ITGAE: variants seen among roughly 807,000 people sequenced by gnomAD.
ITGAE encodes the protein integrin alpha-E.
ITGAE carries 99 observed loss-of-function variants against 136.5 expected under a neutral mutation model. The observed-to-expected ratio is 0.73, with a 90% CI of 0.62 to 0.86. The LOEUF (loss-of-function observed/expected upper bound fraction) is 0.86, where lower values mean the gene tolerates loss of function less well. Among genes scored for constraint, ITGAE ranks in the 40% least tolerant of loss-of-function variants. The pLI, the probability that ITGAE is intolerant of heterozygous loss-of-function variation, is 0.00. For synonymous variants in ITGAE, 613 were observed against 591.8 expected, an observed-to-expected ratio of 1.04 and a Z score of -0.52; for missense variants, 1,447 against 1,515.3, an observed-to-expected ratio of 0.95 and a Z score of 0.75.
At chr17:3,730,954 C>A in intron 23 of ITGAE, 150 bp downstream of exon 23, 1 of 593,892 alleles carries the variant, frequency 1.7e-6, no homozygotes, top group Non-Finnish European at 3.0e-6. Flanking sequence ...AGTCGAGTCC[C>A]TGCAGGGAAA....
rs148067503 is a variant in ITGAE at position 3,774,911 on chromosome 17, C to T, written c.155+2629G>A. ...TCCTACATCAGCACGCGGCCACCATCGCCATCTGAGGGAATGCATATTTTA... is the reference window on the plus strand; with the variant it reads ...TCCTACATCAGCACGCGGCCACCATTGCCATCTGAGGGAATGCATATTTTA... On this transcript the variant is annotated intron_variant, in intron 2 of 30. Coordinates refer to ENST00000263087, the MANE Select transcript of ITGAE (RefSeq NM_002208.5). Among the ~76,000 whole-genome samples, 83 of 152,258 alleles carry T rather than the reference C, an allele frequency of 5.5e-4. 1 individual carries two copies. The highest frequency in any genetic ancestry group is 1.7e-3 in the African/African-American group (71 of 41,566).
Position 3,799,728 on chromosome 17 carries a change from C to T in ITGAE, c.34+1383G>A, listed in dbSNP as rs2053204021. Reference sequence around the variant, plus strand: ...CATAAAAAGAGTGAGACTCTCTCCACACCCCACATGTAACTAAAAACAGAG... The same window carrying T: ...CATAAAAAGAGTGAGACTCTCTCCATACCCCACATGTAACTAAAAACAGAG... On this transcript the variant is annotated intron_variant, in intron 1 of 30. Coordinates refer to ENST00000263087, the MANE Select transcript of ITGAE (RefSeq NM_002208.5). The surrounding 1 kb of genome is among the most constrained non-coding windows in gnomAD (Gnocchi z 4.1). 6.6e-6 allele frequency among the ~76,000 whole-genome samples: 1 copy of T among 152,216 alleles called. No individual in the cohort carries two copies. Among genetic ancestry groups the T allele is most frequent in the Admixed American group, 6.5e-5 (1 of 15,278 alleles).
intron 7 of ITGAE, among the ~76,000 whole-genome samples, 193 bp from the exon 8 acceptor site, chr17:3,759,746 A>C (rs1439343801): frequency 6.6e-6 from 1 of 152,234 alleles, no homozygotes; most frequent in Non-Finnish European, 1.5e-5. Flanking sequence ...CCCCCAGTGA[A>C]TCACAGACTT....
At chr17:3,776,404 C>T (rs551311274) in intron 2 of ITGAE, among the ~76,000 whole-genome samples, 3 of 152,180 alleles carry the variant, frequency 2.0e-5, no homozygotes, top group South Asian at 2.1e-4. Flanking sequence ...ATAGTCTTTG[C>T]GACAATCCTG....
chr17:3,728,349 T>C, intron 24 of ITGAE, 181 bp from the exon 25 acceptor site: 1 of 565,456 alleles, frequency 1.8e-6, no homozygotes, highest in Non-Finnish European at 3.2e-6. Flanking sequence ...ATGACAGGCA[T>C]GAGCCACTAC....
intron 18 of ITGAE, among the ~76,000 whole-genome samples, chr17:3,743,994 C>T (rs529318591): frequency 6.6e-5 from 10 of 150,876 alleles, no homozygotes; most frequent in African/African-American, 2.2e-4. Flanking sequence ...TAAGCCACCG[C>T]GCCCGGCCTC....
intron 20 of ITGAE, among the ~76,000 whole-genome samples, chr17:3,736,912 A>C (rs919821418): frequency 2.6e-5 from 4 of 152,032 alleles, no homozygotes; most frequent in Non-Finnish European, 5.9e-5. Context: ...AGCTGAGAAG[A>C]GGCTGGATTG....
At chr17:3,765,944 C>T (rs564885710) in intron 2 of ITGAE, among the ~76,000 whole-genome samples, 2 of 152,290 alleles carry the variant, frequency 1.3e-5, no homozygotes, top group South Asian at 4.1e-4. Context: ...ATAATGGCCC[C>T]CCAAAGAAGG....
chr17:3,795,400 T>TC (rs2053040664), intron 1 of ITGAE, among the ~76,000 whole-genome samples: 1 of 152,256 alleles, frequency 6.6e-6, no homozygotes, highest in Non-Finnish European at 1.5e-5. Flanking sequence ...CTGTGTTCAC[T>TC]TTGTTCAACA....
At position 3,761,008 on chromosome 17, in the gene ITGAE, C is replaced by A; in HGVS notation, c.598+5G>T. On this transcript the variant is annotated splice_donor_5th_base_variant and intron_variant, in intron 6 of 30. Transcript: ENST00000263087. ...TCAGAGCAACCCAGATCTGCCTCTT[C>A]TCACCAGCTTCCTCCTCCTCCTCGT... 6.3e-7 allele frequency: 1 copy of A among 1,598,752 alleles called. No homozygotes were observed. Among genetic ancestry groups the A allele is most frequent in the Admixed American group, 1.7e-5 (1 of 59,878 alleles).
At chr17:3,761,652 C>T in intron 4 of ITGAE, 132 bp from the exon 5 acceptor site, 1 of 827,128 alleles carries the variant, frequency 1.2e-6, no homozygotes, top group South Asian at 1.7e-5. Context: ...CTGGCCCACC[C>T]CTCACCGGGT....
rs1372328008 is a variant in ITGAE at position 3,757,760 on chromosome 17, A to G, written c.966T>C (p.Leu322=). The change falls in exon 9 of 31, where the codon CTT becomes CTC. Residue 322 remains leucine (L), a synonymous_variant. Coordinates refer to ENST00000263087, the MANE Select transcript of ITGAE (RefSeq NM_002208.5). ...TTTTGGGGGAGTTGATGACTGTCGT[A>G]AGGTTGAGGGGGTCCTCGAATATGC... ...DGGIFEDPLN[L]TTVINSPKMQ... is the part of the protein sequence containing the mutation. 1 of 1,614,074 alleles carries G rather than the reference A, an allele frequency of 6.2e-7. No homozygotes were observed. Among genetic ancestry groups the G allele is most frequent in the African/African-American group, 1.3e-5 (1 of 75,002 alleles).
At chr17:3,797,279 C>A (rs1170774584) in intron 1 of ITGAE, among the ~76,000 whole-genome samples, 4 of 149,524 alleles carry the variant, frequency 2.7e-5, no homozygotes, top group Admixed American at 2.0e-4. Context: ...CATTCTCCTG[C>A]CTCAGCCTCC....
chr17:3,750,803 G>C (rs975784399), intron 15 of ITGAE, among the ~76,000 whole-genome samples: 1 of 152,014 alleles, frequency 6.6e-6, no homozygotes, highest in East Asian at 1.9e-4. Context: ...TTGATGTGGG[G>C]CTTGGGGATG....
chr17:3,760,433 T>C, intron 6 of ITGAE, 146 bp from the exon 7 acceptor site: 1 of 339,002 alleles, frequency 2.9e-6, no homozygotes, highest in South Asian at 9.1e-5. Flanking sequence ...AGGGAAGCTT[T>C]TTTTTTTTTT....
chr17:3,746,360 G>T (rs1283298824), intron 17 of ITGAE, among the ~76,000 whole-genome samples: 1 of 152,130 alleles, frequency 6.6e-6, no homozygotes, highest in African/African-American at 2.4e-5. Flanking sequence ...AACAGAACCA[G>T]CTCAGCTAGG....
chr17:3,725,230 CT>C, intron 26 of ITGAE: 1 of 1,614,198 alleles, frequency 6.2e-7, no homozygotes, highest in Non-Finnish European at 8.5e-7. Context: ...ACAAGTGGTG[CT>C]CCGTCCTCTT....
chr17:3,725,263 T>C, intron 26 of ITGAE: 1 of 1,614,240 alleles, frequency 6.2e-7, no homozygotes, highest in Non-Finnish European at 8.5e-7. Flanking sequence ...TCTATGTATT[T>C]GCTAAGCCCC....
intron 4 of ITGAE, 80 bp downstream of exon 4, chr17:3,761,835 C>G (rs753017584): frequency 2.4e-5 from 30 of 1,230,944 alleles, no homozygotes; most frequent in Non-Finnish European, 3.4e-5. Context: ...GCAGTCAGAA[C>G]TGGTCTCAAC....
Sources: gnomAD v4.1 joint callset for allele counts (sites outside exome capture counted in the v4.1 genomes callset) on GRCh38, gnomAD v4.1.1 for gene constraint, Gnocchi (gnomAD v3.1) non-coding constraint, MANE v1.5 for transcripts, NCBI Gene and HGNC (gene_info 2026-07-23, HGNC 2026-07-21) for gene names.